CDH18: variants seen among roughly 807,000 people sequenced by gnomAD.
The protein encoded by CDH18 is cadherin 18, also known as cadherin-18.
CDH18 carries 31 observed loss-of-function variants against 67.9 expected under a neutral mutation model. The ratio of observed to expected loss-of-function variants is 0.46; its 90% CI spans 0.34 to 0.62. CDH18 has a LOEUF of 0.62. Among genes scored for constraint, CDH18 ranks in the 20% least tolerant of loss-of-function variants. The pLI is 0.01. For missense variants in CDH18, 890 were observed against 975.5 expected (o/e 0.91, Z 1.17); for synonymous variants, 362 against 347.2 (o/e 1.04, Z -0.48).
chr5:20,115,025 A>G (rs1288062084), intron 2 of CDH18, among the ~76,000 whole-genome samples: 1 of 152,126 alleles, frequency 6.6e-6, no homozygotes, highest in Admixed American at 6.6e-5. Context: ...TCATGAAGGT[A>G]TCACAAATTA....
rs374699585 is a variant in CDH18 at position 20,252,288 on chromosome 5, T to C, written c.-518+3156A>G. Among the ~76,000 whole-genome samples, 24 of 151,754 alleles carry C rather than the reference T, an allele frequency of 1.6e-4. 1 individual carries two copies. In the East Asian group the frequency reaches 2.3e-3, roughly 15 times the overall value. The stretch of plus-strand genomic sequence containing the variant: ...ATTGCTTGAACCCAGGAGATGGAGG[T>C]TGCAGTGAGCCTAGATCACGCCACT... On this transcript the variant is annotated intron_variant, in intron 2 of 14. Coordinates refer to the CDH18 transcript ENST00000507958.
intron 2 of CDH18, among the ~76,000 whole-genome samples, chr5:20,009,463 C>G (rs1443785274): frequency 6.6e-6 from 1 of 151,996 alleles, no homozygotes; most frequent in Non-Finnish European, 1.5e-5. Context: ...TTTGATCAAT[C>G]AGGTAGTCAT....
intron 2 of CDH18, among the ~76,000 whole-genome samples, chr5:20,107,374 T>A (rs1392729015): frequency 2.0e-5 from 3 of 152,170 alleles, no homozygotes; most frequent in Non-Finnish European, 2.9e-5. Context: ...GCACCCAGCC[T>A]CTCTCTTATA....
chr5:19,714,414 A>G (rs564584220), intron 5 of CDH18, among the ~76,000 whole-genome samples: 78 of 152,208 alleles, frequency 5.1e-4, no homozygotes, highest in African/African-American at 1.9e-3. Flanking sequence ...CTTAAATGCT[A>G]TCTACAGCTG....
intron 1 of CDH18, among the ~76,000 whole-genome samples, chr5:20,435,930 G>A (rs541917560): frequency 1.2e-3 from 181 of 151,862 alleles, no homozygotes; most frequent in African/African-American, 4.2e-3. Flanking sequence ...TTATCATCAC[G>A]TTTATATTGC....
intron 2 of CDH18, among the ~76,000 whole-genome samples, chr5:19,921,302 C>T (rs563764342): frequency 3.9e-5 from 6 of 152,062 alleles, no homozygotes; most frequent in Admixed American, 1.3e-4. Context: ...GAGGCCAAGG[C>T]GGGCGGATCA....
chr5:19,676,985 C>T (rs1452516131), intron 5 of CDH18, among the ~76,000 whole-genome samples: 1 of 152,016 alleles, frequency 6.6e-6, no homozygotes, highest in Non-Finnish European at 1.5e-5. Flanking sequence ...CTCCCTTATG[C>T]CCTTCAGTCA....
intron 2 of CDH18, among the ~76,000 whole-genome samples, chr5:19,903,541 G>GTA (rs112818883): frequency 0.012 from 1,486 of 124,730 alleles, 18 homozygotes; most frequent in African/African-American, 0.034. Flanking sequence ...GTGTGTGTGT[G>GTA]TATATATATA....
chr5:19,708,832 T>G (rs947242316), intron 5 of CDH18, among the ~76,000 whole-genome samples: 3 of 152,226 alleles, frequency 2.0e-5, no homozygotes, highest in Admixed American at 2.0e-4. Context: ...CTCTCAGCTC[T>G]GAAGGCTGTC....
chr5:19,626,663 A>G (rs1452145208), intron 5 of CDH18, among the ~76,000 whole-genome samples: 1 of 152,028 alleles, frequency 6.6e-6, no homozygotes, highest in African/African-American at 2.4e-5. Context: ...TGCTGCCCTC[A>G]CAACACTGAC....
intron 1 of CDH18, among the ~76,000 whole-genome samples, chr5:20,344,863 G>T (rs966495358): frequency 6.6e-6 from 1 of 151,934 alleles, no homozygotes; most frequent in Non-Finnish European, 1.5e-5. Context: ...TAACATATGG[G>T]GCCTATTGAC....
chr5:19,509,083 G>T (rs1218064410), intron 10 of CDH18, among the ~76,000 whole-genome samples: 1 of 151,886 alleles, frequency 6.6e-6, no homozygotes, highest in African/African-American at 2.4e-5. Flanking sequence ...TGGCCAGGCT[G>T]GTCTAGAACC....
intron 2 of CDH18, among the ~76,000 whole-genome samples, chr5:20,117,669 G>A (rs1748032174): frequency 1.3e-5 from 2 of 152,278 alleles, no homozygotes; most frequent in South Asian, 4.1e-4. Context: ...TAGAAATGCA[G>A]TGAGAAGCGA....
At chr5:19,570,253 C>T (rs1741161511) in intron 8 of CDH18, among the ~76,000 whole-genome samples, 1 of 152,018 alleles carries the variant, frequency 6.6e-6, no homozygotes, top group Non-Finnish European at 1.5e-5. Flanking sequence ...GATTTCTATT[C>T]CTTAGTTAGA....
intron 11 of CDH18, among the ~76,000 whole-genome samples, chr5:19,490,365 T>A (rs953351192): frequency 6.7e-6 from 1 of 148,870 alleles, no homozygotes; most frequent in African/African-American, 2.5e-5. Flanking sequence ...GTTTTTTTTA[T>A]ATATGATATA....
intron 1 of CDH18, among the ~76,000 whole-genome samples, chr5:20,454,581 A>G (rs967429971): frequency 6.6e-6 from 1 of 152,144 alleles, no homozygotes; most frequent in African/African-American, 2.4e-5. Context: ...GAAGGACTGC[A>G]GAGCGTCTGG....
At chr5:20,575,202 G>C (rs145094711) in intron 1 of CDH18, among the ~76,000 whole-genome samples, 1 of 151,658 alleles carries the variant, frequency 6.6e-6, no homozygotes, top group East Asian at 1.9e-4. Context: ...TCTTCTTTAC[G>C]TGGAGTATCT....
At chr5:20,270,396 G>A (rs575779506) in intron 1 of CDH18, among the ~76,000 whole-genome samples, 5 of 152,232 alleles carry the variant, frequency 3.3e-5, no homozygotes, top group Admixed American at 1.3e-4. Flanking sequence ...CAATGTCACC[G>A]ATCATTAAAG....
At position 20,288,592 on chromosome 5, in the gene CDH18, G is replaced by T. The variant is rs2126725846; in HGVS notation, c.-579-33087C>A. 2.0e-5 allele frequency among the ~76,000 whole-genome samples: 3 copies of T among 151,806 alleles called. No individual in the cohort carries two copies. The Middle Eastern group carries it at 0.01, about 516-fold the overall frequency. The stretch of plus-strand genomic sequence containing the variant: ...TTCATGACATCAAAATAATTTGACT[G>T]CCAGGAAAGGGATACCTAACAAATA... On this transcript the variant is annotated intron_variant, in intron 1 of 14. Coordinates refer to the CDH18 transcript ENST00000507958.
Sources: allele counts gnomAD v4.1 joint callset (sites outside exome capture counted in the v4.1 genomes callset), GRCh38; gene constraint gnomAD v4.1.1; transcripts MANE v1.5; gene names NCBI Gene and HGNC (gene_info 2026-07-23, HGNC 2026-07-21).